Variants in SLAMF1 observed in about 807,000 individuals in gnomAD.
The protein encoded by SLAMF1 is signaling lymphocytic activation molecule family member 1.
A neutral mutation model predicts 35.1 loss-of-function variants in SLAMF1; 18 were observed. The ratio of observed to expected loss-of-function variants is 0.51; its 90% CI spans 0.35 to 0.76. The LOEUF is 0.76. Among genes scored for constraint, SLAMF1 ranks in the 30% least tolerant of loss-of-function variants. The pLI is 0.01. For missense variants in SLAMF1, 392 were observed against 413.0 expected, an observed-to-expected ratio of 0.95 and a Z score of 0.44; for synonymous variants, 168 against 157.2, an observed-to-expected ratio of 1.07 and a Z score of -0.51.
intron 5 of SLAMF1, chr1:160,615,593 T>C (rs944277520): frequency 6.5e-6 from 1 of 154,934 alleles, no homozygotes; most frequent in African/African-American, 2.4e-5. Flanking sequence ...TCGCAGAGAA[T>C]AACAAAAAGG....
chr1:160,630,858 G>T (rs991554403), intron 3 of SLAMF1, among the ~76,000 whole-genome samples: 1 of 152,054 alleles, frequency 6.6e-6, no homozygotes, highest in Admixed American at 6.6e-5. Flanking sequence ...TCCTCCCTCT[G>T]CCTGGAATGT....
chr1:160,638,059 T>A (rs1359440646), intron 1 of SLAMF1, among the ~76,000 whole-genome samples: 1 of 152,078 alleles, frequency 6.6e-6, no homozygotes, highest in Non-Finnish European at 1.5e-5. Context: ...AACTGTGGAA[T>A]CCTCTCTCTC....
At position 160,624,081 on chromosome 1, in the gene SLAMF1, T is replaced by C. The variant is rs368088972; in HGVS notation, c.790+15A>G. ...AGAGAGTGTGATAAGAATCTATTTATTGCCAGACACCTACCTCTTCTTCTC... is the reference window on the plus strand; with the variant it reads ...AGAGAGTGTGATAAGAATCTATTTACTGCCAGACACCTACCTCTTCTTCTC... On this transcript the variant is annotated intron_variant, in intron 4 of 6. Transcript: ENST00000302035. 7 of 1,548,366 alleles carry C rather than the reference T, an allele frequency of 4.5e-6. No homozygotes were observed. The African/African-American group carries it at 8.3e-5, about 18-fold the overall frequency.
intron 1 of SLAMF1, among the ~76,000 whole-genome samples, chr1:160,645,402 G>A (rs1410928554): frequency 6.6e-6 from 1 of 152,214 alleles, no homozygotes; most frequent in Admixed American, 6.5e-5. Flanking sequence ...AGCAGCCTCC[G>A]ATTGGATAGA....
chr1:160,617,070 G>C (rs945802261), intron 5 of SLAMF1, among the ~76,000 whole-genome samples: 1 of 151,794 alleles, frequency 6.6e-6, no homozygotes, highest in Admixed American at 6.6e-5. Flanking sequence ...ACAGGAGAAT[G>C]GCTTGAACCC....
chr1:160,615,749 G>C (rs537824602), intron 5 of SLAMF1: 1 of 350,494 alleles, frequency 2.9e-6, no homozygotes, highest in South Asian at 2.2e-5. Flanking sequence ...GAATAAGTCC[G>C]AAGTCTGATG....
intron 5 of SLAMF1, among the ~76,000 whole-genome samples, chr1:160,618,662 C>T (rs1659443779): frequency 6.6e-6 from 1 of 152,094 alleles, no homozygotes; most frequent in Non-Finnish European, 1.5e-5. Context: ...ATGAATGCCA[C>T]TGAATTTTAA....
At chr1:160,619,093 C>A (rs1261499315) in intron 5 of SLAMF1, among the ~76,000 whole-genome samples, 2 of 152,136 alleles carry the variant, frequency 1.3e-5, no homozygotes, top group African/African-American at 2.4e-5. Flanking sequence ...CTACCTACAC[C>A]CCAAATGTCC....
chr1:160,640,357 TATAC>T (rs1553242532), intron 1 of SLAMF1, among the ~76,000 whole-genome samples: 6 of 105,478 alleles, frequency 5.7e-5, no homozygotes, highest in African/African-American at 3.4e-5. Context: ...TATATATATA[TATAC>T]ACACACACAC....
In SLAMF1 at chr1:160,640,325, CATATAT is replaced by C. The variant is rs56785818; in HGVS notation, c.77-2802_77-2797del. ...CTCTTATTTAGGTTATTAGGTTTGT[CATATAT>C]ATATATATATATATATATATATATA... On this transcript the variant is annotated intron_variant, in intron 1 of 6. Transcript: ENST00000302035. 1.1e-3 allele frequency among the ~76,000 whole-genome samples: 102 copies of C among 94,128 alleles called. 1 individual carries two copies. The highest frequency in any genetic ancestry group is 5.3e-3 in the Middle Eastern group (1 of 190). The allele number at this position is 94,128 out of a possible 152,430, so 61.8% of individuals were successfully genotyped here.
At chr1:160,628,597 T>C (rs1660003675) in intron 3 of SLAMF1, among the ~76,000 whole-genome samples, 1 of 152,370 alleles carries the variant, frequency 6.6e-6, no homozygotes, top group South Asian at 2.1e-4. Flanking sequence ...CTGTACCTTA[T>C]TCTTTATTTG....
In SLAMF1 at chr1:160,610,385, C is replaced by T; in HGVS notation, c.*363G>A. On this transcript the variant is annotated 3_prime_UTR_variant, in exon 7 of 7. Coordinates refer to ENST00000302035, the MANE Select transcript of SLAMF1 (RefSeq NM_003037.5). ...TGGTCCAGTGTGTGAGATAGGTACT[C>T]AGATGTCCTGGCTTTCAGTCTGATT... is the stretch of plus-strand genomic sequence containing the variant. 1 of 464,042 alleles carries T rather than the reference C, an allele frequency of 2.2e-6. No individual in the cohort carries two copies. The highest frequency in any genetic ancestry group is 1.6e-5 in the South Asian group (1 of 64,420). 28.7% of individuals were successfully genotyped at this position (464,042 alleles called of 1,614,324 possible).
rs1401905394 is a variant in SLAMF1 at position 160,624,167 on chromosome 1, A to C, written c.719T>G (p.Val240Gly). The C allele has an allele frequency of 6.2e-7, 1 of 1,610,066 alleles. No homozygotes were observed. The highest frequency in any genetic ancestry group is 8.5e-7 in the Non-Finnish European group (1 of 1,178,210). Residue 240 changes from valine (V) to glycine (G), a missense_variant, in exon 4 of 7, where the codon GTG (valine) becomes GGG (glycine). Coordinates refer to ENST00000302035, the MANE Select transcript of SLAMF1 (RefSeq NM_003037.5). ...GACACCCCCTAACAGCCCAGCATAC[A>C]CTGCCCATGGTTTTGTTTCTGGAAA... is the stretch of plus-strand genomic sequence containing the variant. ...TDPSETKPWAVYAGLLGGVIM... is the reference protein window; with the variant it reads ...TDPSETKPWAGYAGLLGGVIM...
intron 3 of SLAMF1, among the ~76,000 whole-genome samples, chr1:160,625,407 A>G (rs986328839): frequency 1.3e-5 from 2 of 152,218 alleles, no homozygotes; most frequent in African/African-American, 4.8e-5. Context: ...CATGGTGGAC[A>G]CAATCAGATG....
chr1:160,637,231 A>AT lies in SLAMF1; in HGVS notation c.374dup (p.Asn125LysfsTer15). On this transcript the variant is annotated frameshift_variant, in exon 2 of 7. Coordinates refer to ENST00000302035, the MANE Select transcript of SLAMF1 (RefSeq NM_003037.5). LOFTEE classifies it high-confidence loss of function. ...GCAGGCAAAAGCGCTGAACTGAAAC[A>AT]TTTTTCTCCAGGGTCATAAGGTACC... The AT allele has an allele frequency of 6.2e-7, 1 of 1,613,598 alleles. No homozygotes were observed. The highest frequency in any genetic ancestry group is 8.5e-7 in the Non-Finnish European group (1 of 1,179,892).
chr1:160,643,911 G>A (rs1660894187), intron 1 of SLAMF1, among the ~76,000 whole-genome samples: 1 of 152,084 alleles, frequency 6.6e-6, no homozygotes, highest in South Asian at 2.1e-4. Context: ...TCCAGCATGA[G>A]GTATGGAAGG....
At chr1:160,619,520 A>G (rs1659491832) in intron 5 of SLAMF1, among the ~76,000 whole-genome samples, 1 of 152,228 alleles carries the variant, frequency 6.6e-6, no homozygotes, top group Non-Finnish European at 1.5e-5. Context: ...AGAGCTGGAA[A>G]GAGTCATACA....
rs201265399 is a variant in SLAMF1 at position 160,624,055 on chromosome 1, C to A, written c.790+41G>T. The A allele has an allele frequency of 2.1e-5, 29 of 1,413,174 alleles. No individual in the cohort carries two copies. The African/African-American group carries it at 4.2e-4, about 20-fold the overall frequency. 87.5% of individuals were successfully genotyped at this position (1,413,174 alleles called of 1,614,324 possible). On this transcript the variant is annotated intron_variant, in intron 4 of 6. Transcript: ENST00000302035. ...GTGGAGAGAGGTCCCCTGCTTACCA[C>A]AGAGAGTGTGATAAGAATCTATTTA...
chr1:160,629,350 TA>T (rs551626945), intron 3 of SLAMF1, among the ~76,000 whole-genome samples: 41 of 152,006 alleles, frequency 2.7e-4, no homozygotes, highest in African/African-American at 9.2e-4. Context: ...TTATTATTAA[TA>T]TTTTTTTTAG....
Sources: gnomAD v4.1 joint callset for allele counts (sites outside exome capture counted in the v4.1 genomes callset) on GRCh38, gnomAD v4.1.1 for gene constraint, MANE v1.5 for transcripts, NCBI Gene and HGNC (gene_info 2026-07-23, HGNC 2026-07-21) for gene names.